The following CHD2 variants were observed in gnomAD, a reference collection of about 807,000 sequenced individuals.
CHD2 encodes chromodomain helicase DNA binding protein 2.
In CHD2, 28 loss-of-function variants were observed where a neutral mutation model predicts 243.9. That is an observed-to-expected ratio of 0.11 (90% CI 0.09 to 0.16). The LOEUF (loss-of-function observed/expected upper bound fraction) is 0.16. Ranked by LOEUF, CHD2 falls within the 10% of genes least tolerant of loss-of-function variation. The pLI is 1.00. For synonymous variants in CHD2, 775 were observed against 779.0 expected (o/e 0.99, Z 0.09); for missense variants, 1,386 against 2,209.8 (o/e 0.63, Z 7.47).
At chr15:92,904,967 C>T (rs1022878713) in intron 2 of CHD2, 1 of 1,535,930 alleles carries the variant, frequency 6.5e-7, no homozygotes, top group Non-Finnish European at 8.7e-7. Context: ...TTACTTGGTA[C>T]CGTACATTTT....
chr15:93,020,163 C>G lies in CHD2; in HGVS notation c.5058C>G (p.Ser1686=), dbSNP rs199851404. 6.2e-7 allele frequency: 1 copy of G among 1,614,018 alleles called. No homozygotes were observed. Among genetic ancestry groups the G allele is most frequent in the Non-Finnish European group, 8.5e-7 (1 of 1,180,004 alleles). Residue 1686 remains serine (S), a synonymous_variant, in exon 38 of 39, where the codon TCC becomes TCG. Coordinates refer to ENST00000394196, the MANE Select transcript of CHD2 (RefSeq NM_001271.4). ...GDRRHMDAHR[S]GSYRPNNMSR... ...GGCGACATATGGATGCCCACCGTTCCGGAAGCTATCGACCCAACAACATGT... is the reference window on the plus strand; with the variant it reads ...GGCGACATATGGATGCCCACCGTTCGGGAAGCTATCGACCCAACAACATGT...
In CHD2 at chr15:92,924,571, A is replaced by G. The variant is rs568700997; in HGVS notation, c.294+19A>G. On this transcript the variant is annotated intron_variant, in intron 3 of 38. Transcript: ENST00000394196. ...GAAGAAGGTATCTACTTTGCCCTGC[A>G]GTACAAATGTGCTGCTAGCCTAGGA... The G allele has an allele frequency of 1.2e-6, 2 of 1,602,962 alleles. No homozygotes were observed. The highest frequency in any genetic ancestry group is 1.7e-5 in the Admixed American group (1 of 60,012).
rs864309543 is a variant in CHD2 at position 93,002,269 on chromosome 15, CAAAG to C, written c.4233_4236del (p.Glu1412GlyfsTer64). On this transcript the variant is annotated frameshift_variant, in exon 33 of 39. Transcript: ENST00000394196. LOFTEE classifies it high-confidence loss of function. Reference sequence around the variant, plus strand: ...AGAAACAAATGAGTTCTAGGAAAGACAAAGAAGGGGACAAGGAAAGAAAGAAGTC... The same window carrying C: ...AGAAACAAATGAGTTCTAGGAAAGACAAGGGGACAAGGAAAGAAAGAAGTC... 6.3e-7 allele frequency: 1 copy of C among 1,595,168 alleles called. No homozygotes were observed.
chr15:92,974,780 C>A, intron 19 of CHD2, 99 bp from the exon 20 acceptor site: 1 of 1,039,278 alleles, frequency 9.6e-7, no homozygotes, highest in Non-Finnish European at 1.5e-6. Flanking sequence ...TATTTTTACT[C>A]AGTGGGTGTT....
intron 2 of CHD2, among the ~76,000 whole-genome samples, chr15:92,905,213 T>TG (rs1160334767): frequency 2.6e-5 from 4 of 152,144 alleles, no homozygotes; most frequent in African/African-American, 9.7e-5. Flanking sequence ...TGGCTGATAG[T>TG]GGGGTCACTT....
At chr15:92,940,976 A>AATATAAATATAT (rs1166089929) in intron 7 of CHD2, among the ~76,000 whole-genome samples, 1 of 50,540 alleles carries the variant, frequency 2.0e-5, no homozygotes, top group Non-Finnish European at 4.3e-5. Context: ...TATAAATATA[A>AATATAAATATAT]ATATAAATAT....
chr15:92,959,630 T>C (rs1203554433), intron 16 of CHD2, among the ~76,000 whole-genome samples: 1 of 152,200 alleles, frequency 6.6e-6, no homozygotes, highest in Non-Finnish European at 1.5e-5. Flanking sequence ...TAGCTGGGAT[T>C]ACAGGCACGC....
chr15:92,989,957 A>G (rs984595837), intron 26 of CHD2, among the ~76,000 whole-genome samples: 3 of 152,212 alleles, frequency 2.0e-5, no homozygotes, highest in African/African-American at 7.2e-5. Context: ...CTATCCTATG[A>G]ACATCTTTCC....
At position 92,945,839 on chromosome 15, in the gene CHD2, C is replaced by G. The variant is rs542243995; in HGVS notation, c.1172C>G (p.Ser391Cys). 10 of 1,579,814 alleles carry G rather than the reference C, an allele frequency of 6.3e-6. No homozygotes were observed. The African/African-American group carries it at 1.2e-4, about 19-fold the overall frequency. The change falls in exon 11 of 39, where the codon TCT becomes TGT. Residue 391 changes from serine to cysteine, a missense_variant. Transcript: ENST00000394196. ...ERVIAVKTSK[S>C]TLGQTDFPAH... ...TGTTTAGCTGTGAAGACAAGTAAAT[C>G]TACATTGGGTCAAACAGATTTTCCA...
intron 17 of CHD2, among the ~76,000 whole-genome samples, chr15:92,971,192 T>C (rs12592920): frequency 0.37 from 56,377 of 152,072 alleles, 11,580 homozygotes; most frequent in East Asian, 0.8. Flanking sequence ...TCAAAAATGC[T>C]TGGGGACCAG....
At chr15:92,919,957 G>A (rs574490426) in intron 2 of CHD2, among the ~76,000 whole-genome samples, 1 of 152,250 alleles carries the variant, frequency 6.6e-6, no homozygotes, top group East Asian at 1.9e-4. Context: ...GGCAAATATA[G>A]TTGTGAACTT....
Position 93,024,622 on chromosome 15 carries a change from C to T in CHD2, c.5404C>T (p.Pro1802Ser). ...SQKSPHDSKS[P>S]LDHRSPLERS... ...GAAATCTCCTCACGATTCCAAGTCA[C>T]CCCTGGATCATAGGTCTCCTTTGGA... The change falls in exon 39 of 39, where the codon CCC becomes TCC. Residue 1802 changes from proline (P) to serine (S), a missense_variant. Pro to Ser is a moderately conservative substitution (Grantham distance 74). Coordinates refer to ENST00000394196, the MANE Select transcript of CHD2 (RefSeq NM_001271.4). The T allele has an allele frequency of 6.2e-7, 1 of 1,614,184 alleles. No individual in the cohort carries two copies. The highest frequency in any genetic ancestry group is 8.5e-7 in the Non-Finnish European group (1 of 1,180,028).
intron 2 of CHD2, among the ~76,000 whole-genome samples, chr15:92,905,561 C>T (rs1176318776): frequency 2.0e-5 from 3 of 152,246 alleles, no homozygotes; most frequent in East Asian, 1.9e-4. Flanking sequence ...GTTGACCCTT[C>T]AGTGCAGGTG....
chr15:93,017,608 A>T (rs2054480959), intron 37 of CHD2, among the ~76,000 whole-genome samples: 1 of 150,308 alleles, frequency 6.7e-6, no homozygotes, highest in Non-Finnish European at 1.5e-5. Flanking sequence ...CAGCCTCCCA[A>T]AGTGTTGGGA....
intron 5 of CHD2, among the ~76,000 whole-genome samples, chr15:92,930,935 G>T (rs185829084): frequency 6.6e-6 from 1 of 152,098 alleles, no homozygotes; most frequent in Non-Finnish European, 1.5e-5. Context: ...GCTAGCCTTC[G>T]TTTCTGCTAT....
At chr15:93,001,831 T>C (rs2054260852) in intron 32 of CHD2, among the ~76,000 whole-genome samples, 1 of 152,200 alleles carries the variant, frequency 6.6e-6, no homozygotes, top group South Asian at 2.1e-4. Flanking sequence ...CATACGTACA[T>C]TTAAATACTA....
chr15:92,945,684 C>T, intron 10 of CHD2, 137 bp from the exon 11 acceptor site: 2 of 509,406 alleles, frequency 3.9e-6, no homozygotes, highest in Non-Finnish European at 3.4e-6. Context: ...AGGCGTGAGC[C>T]ACTATAATCC....
At chr15:93,017,336 T>C (rs886099300) in intron 37 of CHD2, among the ~76,000 whole-genome samples, 3 of 151,434 alleles carry the variant, frequency 2.0e-5, no homozygotes, top group African/African-American at 7.3e-5. Context: ...TCTTTCTTTT[T>C]TTGGGAGATG....
At chr15:92,980,231 T>C (rs2053961933) in intron 22 of CHD2, among the ~76,000 whole-genome samples, 2 of 150,214 alleles carry the variant, frequency 1.3e-5, no homozygotes, top group South Asian at 2.1e-4. Flanking sequence ...TCTTTTTTTT[T>C]TTTTTTTTTA....
Sources: allele counts gnomAD v4.1 joint callset (sites outside exome capture counted in the v4.1 genomes callset), GRCh38; gene constraint gnomAD v4.1.1; transcripts MANE v1.5; gene names NCBI Gene and HGNC (gene_info 2026-07-23, HGNC 2026-07-21).